RTF1: variants seen among roughly 807,000 people sequenced by gnomAD.
RTF1 encodes the protein RTF1 homolog, Paf1/RNA polymerase II complex component, also known as RNA polymerase-associated protein RTF1 homolog.
In RTF1, 10 loss-of-function variants were observed where a neutral mutation model predicts 95.7. That is an observed-to-expected ratio of 0.10 (90% confidence interval 0.06 to 0.18). The LOEUF (loss-of-function observed/expected upper bound fraction) is 0.18, where lower values mean the gene tolerates loss of function less well. Among genes scored for constraint, RTF1 ranks in the 10% least tolerant of loss-of-function variants. RTF1 has a pLI of 1.00. For synonymous variants in RTF1, 305 were observed against 311.8 expected, an observed-to-expected ratio of 0.98 and a Z score of 0.23; for missense variants, 458 against 875.6, an observed-to-expected ratio of 0.52 and a Z score of 6.02.
At chr15:41,463,078 C>T (rs2050859677) in intron 4 of RTF1, among the ~76,000 whole-genome samples, 1 of 152,186 alleles carries the variant, frequency 6.6e-6, no homozygotes, top group South Asian at 2.1e-4. Context: ...TAAATGAAAT[C>T]ATAATATGTA....
intron 4 of RTF1, among the ~76,000 whole-genome samples, chr15:41,461,795 C>T (rs2050850368): frequency 6.6e-6 from 1 of 151,268 alleles, no homozygotes; most frequent in Non-Finnish European, 1.5e-5. Context: ...GCCGGCCTGG[C>T]TAATTTTTCA....
In RTF1 at chr15:41,437,715, T is replaced by C. The variant is rs145761299; in HGVS notation, c.199-606T>C. 2.5e-3 allele frequency among the ~76,000 whole-genome samples: 377 copies of C among 152,242 alleles called. 1 individual carries two copies. Among genetic ancestry groups the C allele is most frequent in the African/African-American group, 8.6e-3 (358 of 41,546 alleles). On this transcript the variant is annotated intron_variant, in intron 1 of 17. Transcript: ENST00000389629. ...ACTGGTACTTCCTTCTTACTGTCATTTCGCTTAAATGACCAGGACAAGGCA... is the reference window on the plus strand; with the variant it reads ...ACTGGTACTTCCTTCTTACTGTCATCTCGCTTAAATGACCAGGACAAGGCA...
chr15:41,466,838 T>C (rs985606732), intron 6 of RTF1, among the ~76,000 whole-genome samples: 1 of 152,254 alleles, frequency 6.6e-6, no homozygotes, highest in Non-Finnish European at 1.5e-5. Flanking sequence ...ATTTGTCTTC[T>C]GGTTTCTCAC....
At chr15:41,449,539 T>C (rs910631373) in intron 2 of RTF1, among the ~76,000 whole-genome samples, 11 of 152,096 alleles carry the variant, frequency 7.2e-5, no homozygotes, top group African/African-American at 2.7e-4. Context: ...GGTGGGGTCT[T>C]GCTATGTTTC....
intron 2 of RTF1, among the ~76,000 whole-genome samples, chr15:41,438,860 C>CAA (rs1193046414): frequency 7.6e-6 from 1 of 131,624 alleles, no homozygotes; most frequent in East Asian, 2.2e-4. Context: ...GACTCTGTCT[C>CAA]AAAAAAAAAA....
intron 2 of RTF1, among the ~76,000 whole-genome samples, chr15:41,441,747 A>G (rs1330368633): frequency 6.6e-6 from 1 of 152,178 alleles, no homozygotes; most frequent in African/African-American, 2.4e-5. Context: ...TGAGCGTTTG[A>G]GTGACTTTTC....
At chr15:41,428,878 A>C (rs372696505) in intron 1 of RTF1, among the ~76,000 whole-genome samples, 1 of 151,906 alleles carries the variant, frequency 6.6e-6, no homozygotes, top group South Asian at 2.1e-4. Flanking sequence ...CTGGGATTAC[A>C]AGCATATGCC....
chr15:41,434,873 C>T (rs1023565776), intron 1 of RTF1, among the ~76,000 whole-genome samples: 3 of 151,906 alleles, frequency 2.0e-5, no homozygotes, highest in African/African-American at 4.8e-5. Context: ...GTGATCTGCC[C>T]GCCTTGGCCT....
Position 41,470,857 on chromosome 15 carries a change from A to T in RTF1, c.1026-315A>T, listed in dbSNP as rs1595439197. On this transcript the variant is annotated intron_variant, in intron 7 of 17. Transcript: ENST00000389629. ...GTATTTTTAATAGAGACAGGGTTTC[A>T]CTGTTTTAGCCGGGATGGTCTCGAT... Among the ~76,000 whole-genome samples the T allele has an allele frequency of 8.6e-5, 13 of 151,412 alleles. 1 individual carries two copies. The highest frequency in any genetic ancestry group is 8.5e-4 in the Admixed American group (13 of 15,210).
At chr15:41,421,886 A>G (rs939166950) in intron 1 of RTF1, among the ~76,000 whole-genome samples, 1 of 151,788 alleles carries the variant, frequency 6.6e-6, no homozygotes, top group Non-Finnish European at 1.5e-5. Context: ...AATTTTTAAA[A>G]TCATTTGTAG....
At chr15:41,452,389 A>T (rs1003926499) in intron 2 of RTF1, among the ~76,000 whole-genome samples, 52 of 152,192 alleles carry the variant, frequency 3.4e-4, no homozygotes, top group African/African-American at 1.3e-3. Flanking sequence ...AGAGCCCGAG[A>T]TCGCACCACT....
At chr15:41,451,503 C>A (rs563898044) in intron 2 of RTF1, among the ~76,000 whole-genome samples, 1 of 152,272 alleles carries the variant, frequency 6.6e-6, no homozygotes, top group Non-Finnish European at 1.5e-5. Flanking sequence ...TTTGACAGTG[C>A]AAATTACAGG....
chr15:41,436,069 G>A (rs2050700228), intron 1 of RTF1, among the ~76,000 whole-genome samples: 1 of 151,998 alleles, frequency 6.6e-6, no homozygotes, highest in African/African-American at 2.4e-5. Context: ...CACTTTGGGA[G>A]GCCAAGGCGA....
chr15:41,436,858 T>G (rs1196586686), intron 1 of RTF1, among the ~76,000 whole-genome samples: 2 of 150,798 alleles, frequency 1.3e-5, no homozygotes, highest in African/African-American at 4.9e-5. Context: ...GGAGGTCGAG[T>G]TGGGCGGATT....
intron 2 of RTF1, among the ~76,000 whole-genome samples, chr15:41,440,965 CCTCT>C (rs2050730696): frequency 6.8e-6 from 1 of 147,290 alleles, no homozygotes; most frequent in East Asian, 2.0e-4. Flanking sequence ...CCACTAGTCC[CCTCT>C]TTTTTTTTTT....
At position 41,423,610 on chromosome 15, in the gene RTF1, C is replaced by T. The variant is rs186009792; in HGVS notation, c.198+6297C>T. Among the ~76,000 whole-genome samples the T allele has an allele frequency of 3.4e-3, 522 of 152,194 alleles. 2 individuals are homozygous for T. Among genetic ancestry groups the T allele is most frequent in the Non-Finnish European group, 6.1e-3 (417 of 68,008 alleles). Reference sequence around the variant, plus strand: ...TCTCAAACTCCCGACCTCAGATGATCCACCCACCTCGGCCTCCCAAAGTGC... The same window carrying T: ...TCTCAAACTCCCGACCTCAGATGATTCACCCACCTCGGCCTCCCAAAGTGC... On this transcript the variant is annotated intron_variant, in intron 1 of 17. Transcript: ENST00000389629.
intron 1 of RTF1, among the ~76,000 whole-genome samples, chr15:41,427,741 A>T (rs753617801): frequency 1.3e-5 from 2 of 152,088 alleles, no homozygotes; most frequent in Non-Finnish European, 2.9e-5. Context: ...CACTTAATAA[A>T]TTTTTGTTGA....
At chr15:41,466,095 C>T (rs902899311) in intron 5 of RTF1, 46 bp from the exon 6 acceptor site, 2 of 1,271,462 alleles carry the variant, frequency 1.6e-6, no homozygotes, top group Non-Finnish European at 2.1e-6. Context: ...AGAATCTTAT[C>T]AGCTGTTGGT....
chr15:41,461,125 C>T (rs1362742240), intron 4 of RTF1, among the ~76,000 whole-genome samples: 2 of 151,812 alleles, frequency 1.3e-5, no homozygotes, highest in African/African-American at 4.8e-5. Flanking sequence ...TCACTGCAAC[C>T]TCTGCCTCCC....
Sources: allele counts gnomAD v4.1 joint callset (sites outside exome capture counted in the v4.1 genomes callset), GRCh38; gene constraint gnomAD v4.1.1; transcripts MANE v1.5; gene names NCBI Gene and HGNC (gene_info 2026-07-23, HGNC 2026-07-21).